CPLANE1: variants seen among roughly 807,000 people sequenced by gnomAD.
CPLANE1 encodes the protein ciliogenesis and planar polarity effector complex subunit 1.
A neutral mutation model predicts 362.5 loss-of-function variants in CPLANE1; 263 were observed. The ratio of observed to expected loss-of-function variants is 0.73; its 90% CI spans 0.66 to 0.80. The LOEUF (loss-of-function observed/expected upper bound fraction) is 0.80, where lower values mean the gene tolerates loss of function less well. CPLANE1 is among the 30% of genes least tolerant of loss of function. The pLI, the probability that CPLANE1 is intolerant of heterozygous loss-of-function variation, is 0.00. For synonymous variants in CPLANE1, 1,212 were observed against 1,302.6 expected (o/e 0.93, Z 1.50); for missense variants, 3,461 against 3,793.4 (o/e 0.91, Z 2.30).
At chr5:37,139,909 A>G (rs938087465) in intron 44 of CPLANE1, 1 of 985,336 alleles carries the variant, frequency 1.0e-6, no homozygotes, top group Non-Finnish European at 1.2e-6. Context: ...AGAAGGCACA[A>G]CCCTTCTTTG....
In CPLANE1 at chr5:37,206,423, G is replaced by A. The variant is rs863225166; in HGVS notation, c.2923C>T (p.Gln975Ter). Reference sequence around the variant, plus strand: ...TGCAGAGGAATAAGTCGAAAGGACTGCTCTGTGAGTAAATTTTTAAAAATG... The same window carrying A: ...TGCAGAGGAATAAGTCGAAAGGACTACTCTGTGAGTAAATTTTTAAAAATG... The part of the protein sequence containing the change: ...VLPPLHIKTE[Q>*]SFRLIPLQHS... Residue 975 changes from glutamine (Q) to a stop codon, truncating the protein, a stop_gained and splice_region_variant, in exon 17 of 53, where the codon CAG (glutamine) becomes TAG (stop). Transcript: ENST00000651892. LOFTEE classifies it high-confidence loss of function. 14 of 1,541,468 alleles carry A rather than the reference G, an allele frequency of 9.1e-6. No individual in the cohort carries two copies. The highest frequency in any genetic ancestry group is 1.2e-5 in the Non-Finnish European group (14 of 1,138,184).
chr5:37,104,745 A>T (rs1757468068), downstream of CPLANE1, among the ~76,000 whole-genome samples: 1 of 138,846 alleles, frequency 7.2e-6, no homozygotes, highest in African/African-American at 2.5e-5. Context: ...ATCTCTACTT[A>T]AAAAAAAAAA....
Position 37,186,380 on chromosome 5 carries a change from GA to G in CPLANE1, c.4094del (p.Phe1365SerfsTer2). 6.4e-7 allele frequency: 1 copy of G among 1,574,310 alleles called. No individual in the cohort carries two copies. The highest frequency in any genetic ancestry group is 8.7e-7 in the Non-Finnish European group (1 of 1,147,350). ...CCTCAGGATAGGGAAATGCTTTCAC[GA>G]AAATTTCTGCTACCTTCAGAAAAAA... The part of the protein sequence containing the change: ...LPPIRKVAEI[F>X]VKAFPYPEDV... On this transcript the variant is annotated frameshift_variant, in exon 24 of 53. Transcript: ENST00000651892.
intron 42 of CPLANE1, among the ~76,000 whole-genome samples, 155 bp downstream of exon 42, chr5:37,153,585 C>A (rs1356622022): frequency 2.0e-4 from 31 of 152,186 alleles, no homozygotes; most frequent in Admixed American, 2.0e-3. Context: ...AAAGAATTAA[C>A]TGGCTCAAAT....
chr5:37,190,945 T>C (rs1785368182), intron 21 of CPLANE1, among the ~76,000 whole-genome samples: 1 of 152,234 alleles, frequency 6.6e-6, no homozygotes, highest in African/African-American at 2.4e-5. Flanking sequence ...TACTATACTA[T>C]GCTTTTTATC....
At chr5:37,080,328 G>A in the CPLANE1 span, among the ~76,000 whole-genome samples, 4 of 152,198 alleles carry the variant, frequency 2.6e-5, no homozygotes, top group Non-Finnish European at 5.9e-5. Flanking sequence ...GCAGACCACA[G>A]TGCTCCCACT....
intron 35 of CPLANE1, among the ~76,000 whole-genome samples, chr5:37,166,289 A>G (rs2150881669): frequency 6.6e-6 from 1 of 152,286 alleles, no homozygotes; most frequent in Non-Finnish European, 1.5e-5. Context: ...TCACATACAC[A>G]TTTCTTAGTG....
chr5:37,142,579 A>G, intron 43 of CPLANE1, 99 bp from the exon 44 acceptor site: 2 of 742,624 alleles, frequency 2.7e-6, no homozygotes, highest in East Asian at 2.9e-5. Flanking sequence ...CAACCCAGAT[A>G]TTAGAAGTTT....
At chr5:37,179,541 G>C in intron 28 of CPLANE1, 98 bp from the exon 29 acceptor site, 1 of 748,108 alleles carries the variant, frequency 1.3e-6, no homozygotes, top group Non-Finnish European at 2.3e-6. Context: ...ACAATATAAT[G>C]ACAGAAATAT....
At chr5:37,155,621 C>G (rs761465931) in intron 41 of CPLANE1, among the ~76,000 whole-genome samples, 1 of 152,208 alleles carries the variant, frequency 6.6e-6, no homozygotes, top group Non-Finnish European at 1.5e-5. Context: ...GAAATCCACC[C>G]GCCTTAGCCT....
chr5:37,188,755 G>A (rs1784687700), intron 21 of CPLANE1, among the ~76,000 whole-genome samples: 1 of 152,062 alleles, frequency 6.6e-6, no homozygotes, highest in South Asian at 2.1e-4. Context: ...ACCATCTCTG[G>A]AAAAAGAAAA....
chr5:37,120,665 A>G (rs543201932), intron 49 of CPLANE1, among the ~76,000 whole-genome samples: 2 of 152,346 alleles, frequency 1.3e-5, no homozygotes, highest in South Asian at 4.1e-4. Context: ...CACTTAACAT[A>G]TAACTCTCAA....
Position 37,157,293 on chromosome 5 carries a change from T to C in CPLANE1, c.8119+20A>G. ...ACAGTAATTCAGGAGAGGGTCATGC[T>C]ATACCTCTTGGCTGTTTACCTTTGT... On this transcript the variant is annotated intron_variant, in intron 41 of 52. Transcript: ENST00000651892. 7.6e-7 allele frequency: 1 copy of C among 1,313,944 alleles called. No individual in the cohort carries two copies. The highest frequency in any genetic ancestry group is 1.0e-6 in the Non-Finnish European group (1 of 986,006). 81.4% of individuals were successfully genotyped at this position (1,313,944 alleles called of 1,614,324 possible). A position where few individuals can be genotyped will look rare whatever the true frequency, so the allele number is the denominator to read the frequency against.
the CPLANE1 span, among the ~76,000 whole-genome samples, chr5:37,082,424 C>G: frequency 6.6e-6 from 1 of 152,096 alleles, no homozygotes; most frequent in South Asian, 2.1e-4. Context: ...ACTACCCGAT[C>G]CCAAGATCCA....
At chr5:37,232,839 C>CAAAAAAAAAAAAAAAAA (rs765038993) in intron 8 of CPLANE1, among the ~76,000 whole-genome samples, 1 of 62,008 alleles carries the variant, frequency 1.6e-5, no homozygotes, top group African/African-American at 5.6e-5. Flanking sequence ...GACCTTGTTG[C>CAAAAAAAAAAAAAAAAA]AAAAAAAAAA....
At chr5:37,207,131 G>T (rs540372192) in intron 16 of CPLANE1, among the ~76,000 whole-genome samples, 2 of 152,288 alleles carry the variant, frequency 1.3e-5, no homozygotes, top group Admixed American at 6.5e-5. Context: ...CCTAATTGAA[G>T]TAACTTGATA....
chr5:37,238,828 A>G, intron 8 of CPLANE1, 29 bp downstream of exon 8: 2 of 1,305,222 alleles, frequency 1.5e-6, no homozygotes, highest in Non-Finnish European at 2.1e-6. Flanking sequence ...AGAAAAAAAG[A>G]AAAAAAAGAC....
At position 37,184,864 on chromosome 5, in the gene CPLANE1, C is replaced by T; in HGVS notation, c.4405G>A (p.Val1469Met). The T allele has an allele frequency of 1.2e-6, 2 of 1,614,108 alleles. No homozygotes were observed. Among genetic ancestry groups the T allele is most frequent in the Non-Finnish European group, 1.7e-6 (2 of 1,179,976 alleles). The change falls in exon 25 of 53, where the codon GTG becomes ATG. Residue 1469 changes from valine to methionine, a missense_variant. Coordinates refer to ENST00000651892, the MANE Select transcript of CPLANE1 (RefSeq NM_001384732.1). The part of the protein sequence containing the change: ...RSTLTELGDS[V>M]VHSDADTFSE... ...AACGTATCTGCATCACTGTGAACCA[C>T]AGAATCTCCTAGTTCTGTGAGTGTA...
chr5:37,098,309 T>G, the CPLANE1 span, among the ~76,000 whole-genome samples: 1 of 140,548 alleles, frequency 7.1e-6, no homozygotes, highest in Non-Finnish European at 1.5e-5. Context: ...GGGAATCACA[T>G]GAACCTGGGA....
Sources: allele counts gnomAD v4.1 joint callset (sites outside exome capture counted in the v4.1 genomes callset), GRCh38; gene constraint gnomAD v4.1.1; transcripts MANE v1.5; gene names NCBI Gene and HGNC (gene_info 2026-07-23, HGNC 2026-07-21).